The following NELL2 variants were observed in gnomAD, a reference collection of about 807,000 sequenced individuals.
NELL2 encodes the protein neural EGFL like 2, also known as protein kinase C-binding protein NELL2.
In NELL2, 41 loss-of-function variants were observed where a neutral mutation model predicts 109.6. The ratio of observed to expected loss-of-function variants is 0.37; its 90% CI spans 0.29 to 0.49. NELL2 has a LOEUF of 0.49. Among genes scored for constraint, NELL2 ranks in the 20% least tolerant of loss-of-function variants. The probability of loss-of-function intolerance (pLI) is 0.98; values close to 1 mark genes in which losing one functional copy is unlikely to be tolerated. For missense variants in NELL2, 900 were observed against 1,008.3 expected, an observed-to-expected ratio of 0.89 and a Z score of 1.45; for synonymous variants, 355 against 344.7, an observed-to-expected ratio of 1.03 and a Z score of -0.33.
At chr12:44,785,002 A>T (rs1310629990) in intron 3 of NELL2, among the ~76,000 whole-genome samples, 2 of 152,196 alleles carry the variant, frequency 1.3e-5, no homozygotes, top group African/African-American at 4.8e-5. Flanking sequence ...CACAACTCTT[A>T]TTCAACACCG....
intron 15 of NELL2, among the ~76,000 whole-genome samples, chr12:44,582,379 G>C (rs1458486509): frequency 1.3e-5 from 2 of 151,976 alleles, no homozygotes; most frequent in South Asian, 2.1e-4. Flanking sequence ...GCTTTTGCTG[G>C]GCAATATGAT....
At chr12:44,620,706 C>G (rs147321438) in intron 13 of NELL2, among the ~76,000 whole-genome samples, 38 of 152,038 alleles carry the variant, frequency 2.5e-4, no homozygotes, top group Admixed American at 7.9e-4. Context: ...CACATTTATC[C>G]GGGGCCAGGT....
chr12:44,717,931 G>A (rs1003262060), intron 9 of NELL2, among the ~76,000 whole-genome samples: 2 of 152,146 alleles, frequency 1.3e-5, no homozygotes, highest in South Asian at 4.1e-4. Context: ...GAATGGAAAT[G>A]GGAGTGTTGG....
chr12:44,789,764 T>G lies in NELL2; in HGVS notation c.336-9742A>C, dbSNP rs192986189. On this transcript the variant is annotated intron_variant, in intron 3 of 19. Coordinates refer to ENST00000429094, the MANE Select transcript of NELL2 (RefSeq NM_001145108.2). ...AGGGAGAAATAGTCAAGGAAATAGA[T>G]AGCATAAAGAAAAAACAATCAAAAC... Among the ~76,000 whole-genome samples, 222 of 152,124 alleles carry G rather than the reference T, an allele frequency of 1.5e-3. 1 individual carries two copies. The highest frequency in any genetic ancestry group is 4.9e-3 in the African/African-American group (203 of 41,528).
chr12:44,740,628 G>A (rs73285449), intron 9 of NELL2, among the ~76,000 whole-genome samples: 8,145 of 152,024 alleles, frequency 0.054, 690 homozygotes, highest in African/African-American at 0.18. Context: ...TATCTATAAG[G>A]TTAAAAAGTA....
At chr12:44,620,487 T>A (rs1159346916) in intron 13 of NELL2, among the ~76,000 whole-genome samples, 2 of 152,142 alleles carry the variant, frequency 1.3e-5, no homozygotes, top group South Asian at 4.1e-4. Context: ...TCTCTTATTG[T>A]CTCTTCAAGT....
chr12:44,727,850 T>C (rs993529645), intron 9 of NELL2, among the ~76,000 whole-genome samples: 1 of 152,040 alleles, frequency 6.6e-6, no homozygotes, highest in African/African-American at 2.4e-5. Context: ...TAACAAATAA[T>C]CAAAAGAAAA....
chr12:44,588,716 A>T (rs1467789166), intron 15 of NELL2, among the ~76,000 whole-genome samples: 1 of 152,098 alleles, frequency 6.6e-6, no homozygotes, highest in Non-Finnish European at 1.5e-5. Flanking sequence ...CATATTCAAA[A>T]TTTTCAATTT....
intron 7 of NELL2, 84 bp from the exon 8 acceptor site, chr12:44,776,234 T>A (rs1310734272): frequency 9.7e-6 from 14 of 1,444,590 alleles, no homozygotes; most frequent in Middle Eastern, 1.8e-4. Context: ...ATCTTTTTTT[T>A]AAAGTATGTA....
chr12:44,912,340 A>G (rs1335963264), intron 1 of NELL2, among the ~76,000 whole-genome samples: 1 of 152,114 alleles, frequency 6.6e-6, no homozygotes, highest in Middle Eastern at 3.2e-3. Context: ...ATGTTGAAAG[A>G]TTATCACAAG....
chr12:44,788,857 A>G (rs11182676), intron 3 of NELL2, among the ~76,000 whole-genome samples: 35,903 of 151,888 alleles, frequency 0.24, 4,520 homozygotes, highest in South Asian at 0.3. Context: ...TTTGAATTGC[A>G]TGGCAGTTCG....
intron 2 of NELL2, among the ~76,000 whole-genome samples, chr12:44,829,190 C>T (rs1209582585): frequency 1.3e-5 from 2 of 152,014 alleles, no homozygotes; most frequent in Non-Finnish European, 2.9e-5. Context: ...AAGGCAGAAA[C>T]ATTAAGCAAA....
intron 13 of NELL2, among the ~76,000 whole-genome samples, chr12:44,626,331 T>C (rs1215921068): frequency 6.6e-6 from 1 of 152,208 alleles, no homozygotes; most frequent in Non-Finnish European, 1.5e-5. Context: ...CTTGAATAGC[T>C]AAAGCATTTT....
chr12:44,824,078 G>C lies in NELL2; in HGVS notation c.185-7942C>G, dbSNP rs570809959. Among the ~76,000 whole-genome samples the C allele has an allele frequency of 2.0e-4, 30 of 152,120 alleles. No homozygotes were observed. The South Asian group carries it at 6.2e-3, about 32-fold the overall frequency. ...AGGTTCTTTGCCCATTTTTTAATCA[G>C]GTTATTTGTTTTCTTGCTATTGAGT... On this transcript the variant is annotated intron_variant, in intron 2 of 19. Transcript: ENST00000429094.
chr12:44,634,191 A>G (rs1294011109), intron 13 of NELL2, among the ~76,000 whole-genome samples: 6 of 152,104 alleles, frequency 3.9e-5, no homozygotes, highest in African/African-American at 1.4e-4. Context: ...ATAAATACAT[A>G]CTTTAAGTTC....
At position 44,848,030 on chromosome 12, in the gene NELL2, C is replaced by CAAA. The variant is rs567012744; in HGVS notation, c.184+27192_184+27194dup. The stretch of plus-strand genomic sequence containing the variant: ...TGGGCGACAGAGTGAAACTCTGTCT[C>CAAA]AAAAAAAAAAAAAAAAAAGGCAGAA... On this transcript the variant is annotated intron_variant, in intron 2 of 19. Coordinates refer to ENST00000429094, the MANE Select transcript of NELL2 (RefSeq NM_001145108.2). Among the ~76,000 whole-genome samples, 557 of 69,350 alleles carry CAAA rather than the reference C, an allele frequency of 8.0e-3. 6 individuals are homozygous for CAAA. The highest frequency in any genetic ancestry group is 0.029 in the African/African-American group (532 of 18,254). 45.5% of individuals were successfully genotyped at this position (69,350 alleles called of 152,430 possible).
intron 19 of NELL2, among the ~76,000 whole-genome samples, chr12:44,509,512 G>A (rs949273453): frequency 6.6e-6 from 1 of 152,126 alleles, no homozygotes; most frequent in African/African-American, 2.4e-5. Flanking sequence ...AGTGAATGAG[G>A]GTAGAGCACT....
intron 2 of NELL2, among the ~76,000 whole-genome samples, chr12:44,861,029 C>T (rs1431408556): frequency 1.3e-5 from 2 of 152,180 alleles, no homozygotes; most frequent in Non-Finnish European, 2.9e-5. Flanking sequence ...CTGATAGAAA[C>T]ATCAATTAGA....
At position 44,866,000 on chromosome 12, in the gene NELL2, T is replaced by G. The variant is rs183705178; in HGVS notation, c.184+9225A>C. 3.5e-4 allele frequency among the ~76,000 whole-genome samples: 54 copies of G among 152,138 alleles called. 1 individual carries two copies. Among genetic ancestry groups the G allele is most frequent in the Non-Finnish European group, 7.4e-4 (50 of 68,002 alleles). ...GTGGGGCCTTTTGGAAAGTCATGAG[T>G]GATCCACTTTCATGAATAAGATTAA... On this transcript the variant is annotated intron_variant, in intron 2 of 19. Transcript: ENST00000429094.
Sources: allele counts gnomAD v4.1 joint callset (sites outside exome capture counted in the v4.1 genomes callset), GRCh38; gene constraint gnomAD v4.1.1; transcripts MANE v1.5; gene names NCBI Gene and HGNC (gene_info 2026-07-23, HGNC 2026-07-21).